Variants in ZFHX4 observed in about 807,000 individuals in gnomAD.
ZFHX4 encodes zinc finger homeobox protein 4.
Under a neutral mutation model 267.6 loss-of-function variants are expected in ZFHX4, and 56 were observed. That is an observed-to-expected ratio of 0.21 (90% CI 0.17 to 0.26). The LOEUF (loss-of-function observed/expected upper bound fraction) is 0.26, where lower values mean the gene tolerates loss of function less well. Among genes scored for constraint, ZFHX4 ranks in the 10% least tolerant of loss-of-function variants. The pLI is 1.00. For missense variants in ZFHX4, 4,332 were observed against 4,420.0 expected (o/e 0.98, Z 0.56); for synonymous variants, 1,778 against 1,665.6 (o/e 1.07, Z -1.64).
chr8:76,813,277 A>C (rs1322944568), intron 4 of ZFHX4, among the ~76,000 whole-genome samples: 1 of 152,126 alleles, frequency 6.6e-6, no homozygotes, highest in Non-Finnish European at 1.5e-5. Flanking sequence ...TTCTAAAGGC[A>C]CCTTTTTCCC....
At chr8:76,759,290 C>A (rs1209857247) in intron 3 of ZFHX4, among the ~76,000 whole-genome samples, 1 of 152,100 alleles carries the variant, frequency 6.6e-6, no homozygotes, top group East Asian at 1.9e-4. Context: ...ATCTATTCCC[C>A]CGTTTGCTAT....
At chr8:76,699,621 C>G (rs1031467751) in intron 1 of ZFHX4, among the ~76,000 whole-genome samples, 7 of 151,974 alleles carry the variant, frequency 4.6e-5, no homozygotes, top group Non-Finnish European at 1.0e-4. Flanking sequence ...GCACACCACA[C>G]CCTTTTAAAA....
Position 76,864,442 on chromosome 8 carries a change from G to T in ZFHX4, c.10728G>T (p.Glu3576Asp), listed in dbSNP as rs752731128. The T allele has an allele frequency of 3.7e-6, 6 of 1,613,636 alleles. No homozygotes were observed. Among genetic ancestry groups the T allele is most frequent in the Non-Finnish European group, 5.1e-6 (6 of 1,179,834 alleles). The change falls in exon 11 of 11, where the codon GAG becomes GAT. Residue 3576 changes from glutamate to aspartate, a missense_variant. Glu to Asp is a conservative substitution (Grantham distance 45). Coordinates refer to ENST00000651372, the MANE Select transcript of ZFHX4 (RefSeq NM_024721.5). ...TACCCACAGAAAGTTGTTCAGATGAGTCTGACAGTGAGCTGAGCCAGAAGC... is the reference window on the plus strand; with the variant it reads ...TACCCACAGAAAGTTGTTCAGATGATTCTGACAGTGAGCTGAGCCAGAAGC... Reference protein sequence around the residue: ...TSLPTESCSDESDSELSQKLE... With the variant: ...TSLPTESCSDDSDSELSQKLE...
Position 76,855,012 on chromosome 8 carries a change from G to A in ZFHX4, c.8091G>A (p.Arg2697=). 1 of 1,613,988 alleles carries A rather than the reference G, an allele frequency of 6.2e-7. No individual in the cohort carries two copies. The highest frequency in any genetic ancestry group is 8.5e-7 in the Non-Finnish European group (1 of 1,179,880). Reference sequence around the variant, plus strand: ...CCTTAGAAAGCCACATTCGCTCTCGGCACTGGAATGAAGGAAAGCAGGCAG... The same window carrying A: ...CCTTAGAAAGCCACATTCGCTCTCGACACTGGAATGAAGGAAAGCAGGCAG... ...KSALESHIRS[R]HWNEGKQAGY... The change falls in exon 10 of 11, where the codon CGG becomes CGA. Residue 2697 remains arginine (R), a synonymous_variant. Transcript: ENST00000651372.
Position 76,816,181 on chromosome 8 carries a change from A to G in ZFHX4, c.3326-17157A>G, listed in dbSNP as rs573934829. On this transcript the variant is annotated intron_variant, in intron 4 of 10. Transcript: ENST00000651372. ...AACCCAAGCTTCTGATTCCCAATTC[A>G]GCATTGCTTTATTTATTTGTATCAT... Among the ~76,000 whole-genome samples the G allele has an allele frequency of 4.6e-5, 7 of 152,332 alleles. No homozygotes were observed. In the East Asian group the frequency reaches 9.6e-4, roughly 21 times the overall value.
chr8:76,683,774 C>A (rs1392652823), intron 1 of ZFHX4: 1 of 150,648 alleles, frequency 6.6e-6, no homozygotes, highest in East Asian at 2.0e-4. Flanking sequence ...GTGGTTAAAG[C>A]TCATATGTAG....
At chr8:76,858,985 C>T (rs891043895) in intron 10 of ZFHX4, among the ~76,000 whole-genome samples, 2 of 152,128 alleles carry the variant, frequency 1.3e-5, no homozygotes, top group Non-Finnish European at 2.9e-5. Flanking sequence ...CACTAAAAAT[C>T]GCTTCAGTGA....
chr8:76,793,310 T>C (rs952171732), intron 4 of ZFHX4, among the ~76,000 whole-genome samples: 15 of 144,342 alleles, frequency 1.0e-4, no homozygotes, highest in African/African-American at 4.1e-4. Flanking sequence ...CTCAAATATA[T>C]GTACTTAAAA....
chr8:76,737,455 T>A (rs1456281465), intron 3 of ZFHX4, among the ~76,000 whole-genome samples: 2 of 152,196 alleles, frequency 1.3e-5, no homozygotes, highest in East Asian at 3.8e-4. Flanking sequence ...TTTCTAGATG[T>A]TCTGTACTTT....
intron 1 of ZFHX4, among the ~76,000 whole-genome samples, chr8:76,703,839 A>C (rs902892549): frequency 6.6e-6 from 1 of 152,328 alleles, no homozygotes; most frequent in Middle Eastern, 3.4e-3. Flanking sequence ...TTGGATGTCT[A>C]GGCATGCCTG....
Position 76,852,133 on chromosome 8 carries a change from C to T in ZFHX4, c.5212C>T (p.Leu1738Phe), listed in dbSNP as rs776251035. 1.9e-6 allele frequency: 3 copies of T among 1,613,972 alleles called. No individual in the cohort carries two copies. Among genetic ancestry groups the T allele is most frequent in the Non-Finnish European group, 2.5e-6 (3 of 1,179,884 alleles). The change falls in exon 10 of 11, where the codon CTC becomes TTC. Residue 1738 changes from leucine (L) to phenylalanine (F), a missense_variant. Physicochemically the swap from Leu to Phe is conservative, Grantham distance 22 (BLOSUM62 0). Coordinates refer to ENST00000651372, the MANE Select transcript of ZFHX4 (RefSeq NM_024721.5). ...ALLQFQQPQFLFPFYIPGTEF... is the reference protein window; with the variant it reads ...ALLQFQQPQFFFPFYIPGTEF... ...GCTGCAGTTTCAGCAGCCTCAGTTT[C>T]TCTTTCCATTTTATATACCTGGGAC...
At position 76,853,579 on chromosome 8, in the gene ZFHX4, T is replaced by A; in HGVS notation, c.6658T>A (p.Ser2220Thr). 1 of 1,613,848 alleles carries A rather than the reference T, an allele frequency of 6.2e-7. No individual in the cohort carries two copies. The highest frequency in any genetic ancestry group is 2.2e-5 in the East Asian group (1 of 44,820). The change falls in exon 10 of 11, where the codon TCT (serine) becomes ACT (threonine). Residue 2220 changes from serine (S) to threonine (T), a missense_variant. Ser to Thr is a moderately conservative substitution (Grantham distance 58). Coordinates refer to ENST00000651372, the MANE Select transcript of ZFHX4 (RefSeq NM_024721.5). ...GCCCACCTCTTTAGAACATTACAAATCTGATGCATCATTCAGTAAAAGGTC... is the reference window on the plus strand; with the variant it reads ...GCCCACCTCTTTAGAACATTACAAAACTGATGCATCATTCAGTAAAAGGTC... ...PQPTSLEHYK[S>T]DASFSKRSSR...
intron 3 of ZFHX4, among the ~76,000 whole-genome samples, chr8:76,742,492 A>G (rs1383910297): frequency 2.6e-5 from 4 of 152,114 alleles, no homozygotes; most frequent in Non-Finnish European, 1.5e-5. Context: ...GAGTTTAGAT[A>G]TTGCACTTAA....
In ZFHX4 at chr8:76,851,730, C is replaced by A. The variant is rs749589765; in HGVS notation, c.4809C>A (p.Ser1603Arg). 1.2e-6 allele frequency: 2 copies of A among 1,613,946 alleles called. No individual in the cohort carries two copies. The part of the protein sequence containing the change: ...YKCSICNVAY[S>R]QSSTLEIHMR... Reference sequence around the variant, plus strand: ...GCAGCATCTGCAATGTTGCATACAGCCAAAGCTCAACATTGGAAATCCACA... The same window carrying A: ...GCAGCATCTGCAATGTTGCATACAGACAAAGCTCAACATTGGAAATCCACA... The change falls in exon 10 of 11, where the codon AGC becomes AGA. Residue 1603 changes from serine to arginine, a missense_variant. By Grantham distance (110) the Ser-to-Arg change is moderately radical. Transcript: ENST00000651372.
chr8:76,791,641 C>G (rs1447818938), intron 4 of ZFHX4, among the ~76,000 whole-genome samples: 1 of 152,022 alleles, frequency 6.6e-6, no homozygotes, highest in Non-Finnish European at 1.5e-5. Flanking sequence ...AAAAATCGCT[C>G]TACTATATGA....
intron 4 of ZFHX4, among the ~76,000 whole-genome samples, chr8:76,831,518 A>G (rs567566965): frequency 6.1e-4 from 93 of 152,288 alleles, no homozygotes; most frequent in African/African-American, 2.2e-3. Context: ...CTTCAGATTC[A>G]TCTGTTTTAG....
chr8:76,761,864 G>A (rs1809923095), intron 3 of ZFHX4, among the ~76,000 whole-genome samples: 1 of 152,178 alleles, frequency 6.6e-6, no homozygotes, highest in African/African-American at 2.4e-5. Context: ...AATGCAGAAG[G>A]AAGCATGTTA....
chr8:76,765,032 C>T (rs1810016136), intron 3 of ZFHX4, among the ~76,000 whole-genome samples: 1 of 152,126 alleles, frequency 6.6e-6, no homozygotes, highest in Non-Finnish European at 1.5e-5. Flanking sequence ...GGCCAGTTTT[C>T]AATCTCGTAA....
Position 76,704,325 on chromosome 8 carries a change from G to T in ZFHX4, c.237G>T (p.Glu79Asp). 6.2e-7 allele frequency: 1 copy of T among 1,614,052 alleles called. No homozygotes were observed. Among genetic ancestry groups the T allele is most frequent in the Non-Finnish European group, 8.5e-7 (1 of 1,179,912 alleles). The change falls in exon 2 of 11, where the codon GAG (glutamate) becomes GAT (aspartate). Residue 79 changes from glutamate (E) to aspartate (D), a missense_variant. Transcript: ENST00000651372. ...AAATQVTSAK[E>D]IPCNECATSF... ...CCACTCAGGTTACCTCAGCAAAGGA[G>T]ATACCCTGCAACGAATGTGCCACTT...
Sources: allele counts gnomAD v4.1 joint callset (sites outside exome capture counted in the v4.1 genomes callset), GRCh38; gene constraint gnomAD v4.1.1; transcripts MANE v1.5; gene names NCBI Gene and HGNC (gene_info 2026-07-23, HGNC 2026-07-21).